SULF2: variants seen among roughly 807,000 people sequenced by gnomAD.
SULF2 encodes sulfatase 2.
Under a neutral mutation model 107.7 loss-of-function variants are expected in SULF2, and 52 were observed. The ratio of observed to expected loss-of-function variants is 0.48; its 90% CI spans 0.39 to 0.61. The LOEUF (loss-of-function observed/expected upper bound fraction) is 0.61, where lower values mean the gene tolerates loss of function less well. Ranked by LOEUF, SULF2 falls within the 20% of genes least tolerant of loss-of-function variation. SULF2 has a pLI of 0.00. For synonymous variants in SULF2, 460 were observed against 464.3 expected (o/e 0.99, Z 0.12); for missense variants, 993 against 1,177.3 (o/e 0.84, Z 2.29).
intron 1 of SULF2, among the ~76,000 whole-genome samples, chr20:47,783,172 T>G (rs947768771): frequency 1.3e-5 from 2 of 152,236 alleles, no homozygotes; most frequent in Non-Finnish European, 2.9e-5. Flanking sequence ...CATACAAAAC[T>G]ACTTAAGTGT....
At chr20:47,709,107 G>C (rs2088839348) in intron 3 of SULF2, among the ~76,000 whole-genome samples, 1 of 152,140 alleles carries the variant, frequency 6.6e-6, no homozygotes, top group African/African-American at 2.4e-5. Flanking sequence ...ATGGGCCCCG[G>C]GGCTCCTGGG....
At chr20:47,769,928 A>G (rs1335053650) in intron 1 of SULF2, among the ~76,000 whole-genome samples, 2 of 151,974 alleles carry the variant, frequency 1.3e-5, no homozygotes, top group African/African-American at 4.8e-5. Flanking sequence ...AGGGAACAGA[A>G]AGCGCAACTG....
intron 8 of SULF2, 69 bp from the exon 9 acceptor site, chr20:47,677,203 A>T (rs2087672596): frequency 6.4e-7 from 1 of 1,559,918 alleles, no homozygotes; most frequent in South Asian, 1.1e-5. Context: ...TTCCCCCAGG[A>T]GCAGGGACGG....
chr20:47,692,609 A>G (rs2088233728), intron 4 of SULF2, among the ~76,000 whole-genome samples: 2 of 152,126 alleles, frequency 1.3e-5, no homozygotes, highest in South Asian at 4.1e-4. Flanking sequence ...TTGTAGAGAC[A>G]GGGTCTCTAC....
chr20:47,742,217 C>G (rs931068004), intron 2 of SULF2, among the ~76,000 whole-genome samples: 2 of 152,232 alleles, frequency 1.3e-5, no homozygotes, highest in Non-Finnish European at 2.9e-5. Context: ...GATCTCATCC[C>G]CTTGCCCAGC....
chr20:47,662,996 G>A, intron 17 of SULF2, 74 bp downstream of exon 17: 1 of 1,544,420 alleles, frequency 6.5e-7, no homozygotes, highest in Non-Finnish European at 8.9e-7. Flanking sequence ...TCACTTCCCT[G>A]AGGTTGGGGG....
chr20:47,673,999 G>T (rs1311615440), intron 10 of SULF2, among the ~76,000 whole-genome samples: 4 of 152,246 alleles, frequency 2.6e-5, no homozygotes, highest in African/African-American at 9.6e-5. Flanking sequence ...GCTGGGGCAC[G>T]ACTTGAGGGG....
At chr20:47,743,475 A>G (rs1028515815) in intron 2 of SULF2, among the ~76,000 whole-genome samples, 1 of 151,904 alleles carries the variant, frequency 6.6e-6, no homozygotes, top group Non-Finnish European at 1.5e-5. Flanking sequence ...ACACTCAGCT[A>G]ATTTTTGTAT....
Position 47,680,208 on chromosome 20 carries a change from G to A in SULF2, c.1065-1404C>T, listed in dbSNP as rs112310618. 0.19 allele frequency among the ~76,000 whole-genome samples: 29,037 copies of A among 152,176 alleles called. 2,918 individuals carry two copies. Among genetic ancestry groups the A allele is most frequent in the East Asian group, 0.32 (1,671 of 5,170 alleles). ...CAACCTCCACCTCCTGGGTTCAAGC[G>A]ATTCTCATGCCTCAGCCTCCCGAGT... On this transcript the variant is annotated intron_variant, in intron 7 of 20. Coordinates refer to ENST00000688720, the MANE Select transcript of SULF2 (RefSeq NM_001387048.1). The surrounding 1 kb of genome is among the most constrained non-coding windows in gnomAD (Gnocchi z 4.2).
intron 20 of SULF2, 62 bp from the exon 21 acceptor site, chr20:47,658,454 A>C: frequency 6.5e-7 from 1 of 1,530,612 alleles, no homozygotes; most frequent in South Asian, 1.1e-5. Context: ...ATGACTTCCT[A>C]ATCGGTCCTA....
intron 1 of SULF2, among the ~76,000 whole-genome samples, chr20:47,784,482 G>C (rs1277239751): frequency 6.6e-6 from 1 of 152,000 alleles, no homozygotes; most frequent in East Asian, 1.9e-4. Context: ...GCAGGTGGGG[G>C]AGTTGCGGAC....
At chr20:47,672,748 T>C (rs988446986) in intron 10 of SULF2, among the ~76,000 whole-genome samples, 1 of 152,174 alleles carries the variant, frequency 6.6e-6, no homozygotes, top group East Asian at 1.9e-4. Flanking sequence ...CCACTGTCTT[T>C]AAGACAAGAC....
chr20:47,688,917 A>G (rs2088104705), intron 5 of SULF2, among the ~76,000 whole-genome samples: 1 of 152,044 alleles, frequency 6.6e-6, no homozygotes. Context: ...ATTCCAAACC[A>G]CCCCATCCTT....
chr20:47,682,953 C>G (rs905043759), intron 7 of SULF2, 41 bp downstream of exon 7: 2 of 1,545,484 alleles, frequency 1.3e-6, no homozygotes, highest in Admixed American at 1.9e-5. Context: ...CTGAGCTGGG[C>G]CCAGGGGCCT....
chr20:47,723,569 C>G (rs1029851750), intron 3 of SULF2, among the ~76,000 whole-genome samples: 2 of 152,190 alleles, frequency 1.3e-5, no homozygotes, highest in Non-Finnish European at 2.9e-5. Flanking sequence ...TTTACAGCCG[C>G]TTCCCATCAC....
intron 3 of SULF2, among the ~76,000 whole-genome samples, chr20:47,704,808 G>C (rs1341156292): frequency 6.6e-6 from 1 of 152,220 alleles, no homozygotes; most frequent in Non-Finnish European, 1.5e-5. Flanking sequence ...GTGCACGTGA[G>C]TGCTTGGCCG....
chr20:47,763,608 C>T (rs899846006), intron 1 of SULF2, among the ~76,000 whole-genome samples: 5 of 152,144 alleles, frequency 3.3e-5, no homozygotes, highest in Non-Finnish European at 5.9e-5. Context: ...TGTGCAGATA[C>T]GTCCCACGGG....
At chr20:47,763,318 G>A (rs1032485598) in intron 1 of SULF2, among the ~76,000 whole-genome samples, 4 of 130,248 alleles carry the variant, frequency 3.1e-5, no homozygotes, top group African/African-American at 1.5e-4. Flanking sequence ...CTGCCGATCT[G>A]CCAAGAGGAA....
intron 3 of SULF2, among the ~76,000 whole-genome samples, chr20:47,719,235 T>A (rs993829998): frequency 6.6e-6 from 1 of 152,256 alleles, no homozygotes; most frequent in Non-Finnish European, 1.5e-5. Context: ...TAAAGAAGCA[T>A]ACATATCACA....
Sources: gnomAD v4.1 joint callset for allele counts (sites outside exome capture counted in the v4.1 genomes callset) on GRCh38, gnomAD v4.1.1 for gene constraint, Gnocchi (gnomAD v3.1) non-coding constraint, MANE v1.5 for transcripts, NCBI Gene and HGNC (gene_info 2026-07-23, HGNC 2026-07-21) for gene names.